CNTN6: variants seen among roughly 807,000 people sequenced by gnomAD.
CNTN6 encodes contactin-6.
CNTN6 carries 137 observed loss-of-function variants against 122.8 expected under a neutral mutation model. That is an observed-to-expected ratio of 1.12 (90% confidence interval 0.97 to 1.29). The LOEUF (loss-of-function observed/expected upper bound fraction) is 1.29, where lower values mean the gene tolerates loss of function less well. CNTN6 is among the 50% of genes most tolerant of loss of function. The probability of loss-of-function intolerance (pLI) is 0.00; values close to 1 mark genes in which losing one functional copy is unlikely to be tolerated. For missense variants in CNTN6, 1,634 were observed against 1,223.4 expected (o/e 1.34, Z -5.01); for synonymous variants, 570 against 426.0 (o/e 1.34, Z -4.16).
chr3:1,300,383 A>G (rs1159189499), intron 7 of CNTN6, among the ~76,000 whole-genome samples: 1 of 151,338 alleles, frequency 6.6e-6, no homozygotes, highest in South Asian at 2.1e-4. Flanking sequence ...TTCCCAGCCC[A>G]GTCCTGTTCT....
intron 2 of CNTN6, among the ~76,000 whole-genome samples, chr3:1,179,838 G>A (rs1467265311): frequency 1.3e-5 from 2 of 152,054 alleles, no homozygotes; most frequent in East Asian, 3.9e-4. Flanking sequence ...TTGCCCCAAG[G>A]TTTTCTACAG....
intron 7 of CNTN6, among the ~76,000 whole-genome samples, chr3:1,307,034 G>A (rs1698470581): frequency 6.6e-6 from 1 of 152,140 alleles, no homozygotes; most frequent in Non-Finnish European, 1.5e-5. Flanking sequence ...TAGGTAGTCA[G>A]TCAGGAGGGA....
At chr3:1,175,076 A>T (rs185984467) in intron 2 of CNTN6, among the ~76,000 whole-genome samples, 12 of 152,040 alleles carry the variant, frequency 7.9e-5, no homozygotes, top group Non-Finnish European at 1.5e-4. Context: ...TCTACAAAAA[A>T]CACAAAATTT....
intron 20 of CNTN6, among the ~76,000 whole-genome samples, chr3:1,399,242 A>G (rs1389747370): frequency 1.3e-5 from 2 of 152,140 alleles, no homozygotes; most frequent in Non-Finnish European, 2.9e-5. Context: ...AGTAGACTAG[A>G]TATTAAAATT....
chr3:1,318,403 A>T (rs1191460957), intron 7 of CNTN6, among the ~76,000 whole-genome samples: 1 of 151,734 alleles, frequency 6.6e-6, no homozygotes, highest in Non-Finnish European at 1.5e-5. Context: ...TAAAAATACT[A>T]TAATAAGAAA....
At chr3:1,368,438 TTCA>T (rs907744473) in intron 12 of CNTN6, among the ~76,000 whole-genome samples, 2 of 152,204 alleles carry the variant, frequency 1.3e-5, no homozygotes, top group Non-Finnish European at 2.9e-5. Flanking sequence ...CAGTGTATAA[TTCA>T]TCAGAAACTT....
At chr3:1,102,727 C>CA (rs1158410747) in intron 1 of CNTN6, among the ~76,000 whole-genome samples, 1 of 148,930 alleles carries the variant, frequency 6.7e-6, no homozygotes. Flanking sequence ...GACTCCGTCT[C>CA]AAAAAATAAA....
chr3:1,393,567 A>G (rs1039149734), intron 20 of CNTN6, among the ~76,000 whole-genome samples: 24 of 144,180 alleles, frequency 1.7e-4, no homozygotes, highest in African/African-American at 4.4e-4. Flanking sequence ...AAAAAAAAAA[A>G]AAAAAAAGAA....
At chr3:1,365,555 A>C (rs1708095250) in intron 12 of CNTN6, among the ~76,000 whole-genome samples, 1 of 152,088 alleles carries the variant, frequency 6.6e-6, no homozygotes, top group Admixed American at 6.6e-5. Context: ...ATACCAAGAT[A>C]TACTTCCATT....
intron 4 of CNTN6, among the ~76,000 whole-genome samples, chr3:1,269,555 A>G (rs975356345): frequency 6.6e-6 from 1 of 152,162 alleles, no homozygotes; most frequent in Non-Finnish European, 1.5e-5. Flanking sequence ...TAGCACTTGT[A>G]TATTTATTTT....
At chr3:1,291,741 G>T (rs1357508217) in intron 5 of CNTN6, among the ~76,000 whole-genome samples, 1 of 152,114 alleles carries the variant, frequency 6.6e-6, no homozygotes, top group African/African-American at 2.4e-5. Context: ...CTTTGGTGGA[G>T]ACAGCAACAG....
intron 12 of CNTN6, among the ~76,000 whole-genome samples, chr3:1,365,024 G>T (rs1450953174): frequency 2.0e-5 from 3 of 151,926 alleles, no homozygotes; most frequent in Non-Finnish European, 2.9e-5. Context: ...TTCAGAAAGT[G>T]AATGAGAAAT....
intron 5 of CNTN6, among the ~76,000 whole-genome samples, chr3:1,293,318 T>G (rs1300682641): frequency 6.6e-6 from 1 of 151,976 alleles, no homozygotes; most frequent in Non-Finnish European, 1.5e-5. Flanking sequence ...TCATGCTTCA[T>G]GCATTTTTTT....
intron 7 of CNTN6, among the ~76,000 whole-genome samples, chr3:1,314,440 T>C (rs767259147): frequency 3.3e-5 from 5 of 152,084 alleles, no homozygotes; most frequent in Non-Finnish European, 7.4e-5. Context: ...AAACTTAGTA[T>C]GGCTTGGATT....
chr3:1,399,826 A>G (rs370203382), intron 20 of CNTN6, among the ~76,000 whole-genome samples: 6 of 152,138 alleles, frequency 3.9e-5, no homozygotes, highest in East Asian at 3.8e-4. Flanking sequence ...TGCCCTCAAG[A>G]AATTTAAACA....
Position 1,402,290 on chromosome 3 carries a change from T to C in CNTN6, c.2818-28T>C, listed in dbSNP as rs748746429. On this transcript the variant is annotated intron_variant, in intron 21 of 22. Coordinates refer to ENST00000446702, the MANE Select transcript of CNTN6 (RefSeq NM_001289080.2). ...GAACCTTAGAAAAGCAACATGTCCA[T>C]GTTAACTTGATACCTCATTTTATTC... 6 of 1,586,126 alleles carry C rather than the reference T, an allele frequency of 3.8e-6. No homozygotes were observed. The African/African-American group carries it at 8.1e-5, about 21-fold the overall frequency.
At chr3:1,266,949 C>G (rs1270411825) in intron 4 of CNTN6, among the ~76,000 whole-genome samples, 1 of 90,390 alleles carries the variant, frequency 1.1e-5, no homozygotes, top group Non-Finnish European at 2.1e-5. Flanking sequence ...CAGCCTGGCC[C>G]TTTTTTTTTT....
intron 3 of CNTN6, among the ~76,000 whole-genome samples, chr3:1,221,869 C>T (rs1200344564): frequency 6.6e-6 from 1 of 152,062 alleles, no homozygotes; most frequent in African/African-American, 2.4e-5. Context: ...TGATATGACA[C>T]ACACAAAGAG....
At chr3:1,370,208 T>C (rs1708815644) in intron 12 of CNTN6, among the ~76,000 whole-genome samples, 1 of 151,880 alleles carries the variant, frequency 6.6e-6, no homozygotes, top group African/African-American at 2.4e-5. Context: ...TTCTCCTCCA[T>C]CTCTCTTCTT....
Sources: allele counts gnomAD v4.1 joint callset (sites outside exome capture counted in the v4.1 genomes callset), GRCh38; gene constraint gnomAD v4.1.1; transcripts MANE v1.5; gene names NCBI Gene and HGNC (gene_info 2026-07-23, HGNC 2026-07-21).